QSOX1: variants seen among roughly 807,000 people sequenced by gnomAD.
The protein encoded by QSOX1 is sulfhydryl oxidase 1.
In QSOX1, 40 loss-of-function variants were observed where a neutral mutation model predicts 76.1. That is an observed-to-expected ratio of 0.53 (90% CI 0.41 to 0.68). The LOEUF (loss-of-function observed/expected upper bound fraction) is 0.68, where lower values mean the gene tolerates loss of function less well. Ranked by LOEUF, QSOX1 falls within the 30% of genes least tolerant of loss-of-function variation. QSOX1 has a pLI of 0.00. For missense variants in QSOX1, 931 were observed against 974.3 expected (o/e 0.96, Z 0.59); for synonymous variants, 392 against 413.1 (o/e 0.95, Z 0.62).
intron 1 of QSOX1, among the ~76,000 whole-genome samples, chr1:180,162,142 A>G (rs758135508): frequency 2.6e-5 from 4 of 152,262 alleles, no homozygotes; most frequent in Non-Finnish European, 5.9e-5. Context: ...ATTAAGGCTG[A>G]TAATGTATCA....
In QSOX1 at chr1:180,196,463, A is replaced by T; in HGVS notation, c.1670A>T (p.Asn557Ile). The T allele has an allele frequency of 6.2e-7, 1 of 1,614,002 alleles. No homozygotes were observed. Among genetic ancestry groups the T allele is most frequent in the Admixed American group, 1.7e-5 (1 of 60,026 alleles). Residue 557 changes from asparagine (N) to isoleucine (I), a missense_variant, in exon 12 of 12, where the codon AAT becomes ATT. Asn to Ile is a moderately radical substitution (Grantham distance 149). Transcript: ENST00000367602. This position sits in a 1 kb window ranked among gnomAD's most constrained non-coding sequence, Gnocchi z 4.1. ...TCAGCTGCCCGGAGGGATGTGCAGAATGTGGCAGCCGCCCCAGAGCTGGCG... is the reference window on the plus strand; with the variant it reads ...TCAGCTGCCCGGAGGGATGTGCAGATTGTGGCAGCCGCCCCAGAGCTGGCG... Reference protein sequence around the residue: ...AGSAARRDVQNVAAAPELAMG... With the variant: ...AGSAARRDVQIVAAAPELAMG...
At chr1:180,172,267 T>C (rs1435391521) in intron 2 of QSOX1, among the ~76,000 whole-genome samples, 1 of 152,206 alleles carries the variant, frequency 6.6e-6, no homozygotes, top group Non-Finnish European at 1.5e-5. Context: ...GAGAGATGGC[T>C]AGGAAGAAGT....
chr1:180,181,221 A>G (rs1382115293), intron 5 of QSOX1, among the ~76,000 whole-genome samples: 1 of 152,160 alleles, frequency 6.6e-6, no homozygotes, highest in Admixed American at 6.5e-5. Context: ...CGGAGTCTAG[A>G]TAGGAAGCTT....
intron 1 of QSOX1, among the ~76,000 whole-genome samples, chr1:180,156,565 G>A (rs1339391848): frequency 6.6e-6 from 1 of 152,208 alleles, no homozygotes. Flanking sequence ...CTGAAGAGGC[G>A]AGATGGAACC....
intron 6 of QSOX1, among the ~76,000 whole-genome samples, chr1:180,182,739 A>G (rs1014880820): frequency 3.9e-5 from 6 of 152,220 alleles, no homozygotes; most frequent in African/African-American, 1.4e-4. Context: ...GACAATAGCC[A>G]GTTCCAAAAT....
chr1:180,186,979 G>C (rs1280612668), intron 8 of QSOX1, among the ~76,000 whole-genome samples: 1 of 152,230 alleles, frequency 6.6e-6, no homozygotes, highest in Non-Finnish European at 1.5e-5. Context: ...GCTCAGTACT[G>C]CTGAGTCAGA....
Position 180,186,181 on chromosome 1 carries a change from A to G in QSOX1, c.1016A>G (p.Lys339Arg), listed in dbSNP as rs1663166422. The G allele has an allele frequency of 6.2e-7, 1 of 1,612,120 alleles. No individual in the cohort carries two copies. The highest frequency in any genetic ancestry group is 1.1e-5 in the South Asian group (1 of 90,832). ...AAAAAGTTTGTGGCAGTGCTGGCCA[A>G]GGTGAGCAGGGCCATGGCTTCCCTT... ...ALKKFVAVLA[K>R]YFPGRPLVQN... The change falls in exon 8 of 12, where the codon AAG (lysine) becomes AGG (arginine). Residue 339 changes from lysine (K) to arginine (R), a missense_variant and splice_region_variant. By Grantham distance (26) the Lys-to-Arg change is conservative. Transcript: ENST00000367602.
chr1:180,190,678 A>T, intron 10 of QSOX1, 98 bp downstream of exon 10: 1 of 1,399,322 alleles, frequency 7.1e-7, no homozygotes, highest in South Asian at 1.4e-5. Context: ...GAATTGCCCC[A>T]CTGGCTCCCA....
chr1:180,158,668 G>C (rs1662425406), intron 1 of QSOX1, among the ~76,000 whole-genome samples: 1 of 152,088 alleles, frequency 6.6e-6, no homozygotes. Context: ...TGTCAGGAGA[G>C]CTCCTGAATT....
In QSOX1 at chr1:180,194,235, A is replaced by G; in HGVS notation, c.1311A>G (p.Pro437=). The G allele has an allele frequency of 6.2e-7, 1 of 1,612,842 alleles. No individual in the cohort carries two copies. Among genetic ancestry groups the G allele is most frequent in the South Asian group, 1.1e-5 (1 of 90,966 alleles). ...QEAAKAKEVL[P]AIRGYVHYFF... ...TAGCCAAGGCCAAGGAGGTCCTCCC[A>G]GCCATCCGAGGCTACGTGCACTACT... The change falls in exon 11 of 12, where the codon CCA becomes CCG. Residue 437 remains proline (P), a synonymous_variant. Coordinates refer to ENST00000367602, the MANE Select transcript of QSOX1 (RefSeq NM_002826.5).
At chr1:180,176,921 T>C (rs1662910144) in intron 4 of QSOX1, among the ~76,000 whole-genome samples, 1 of 152,176 alleles carries the variant, frequency 6.6e-6, no homozygotes, top group African/African-American at 2.4e-5. Context: ...TGCTGAGAGA[T>C]TGTGTTTCCA....
chr1:180,194,835 G>T (rs573754459), intron 11 of QSOX1, among the ~76,000 whole-genome samples: 2 of 152,140 alleles, frequency 1.3e-5, no homozygotes, highest in Non-Finnish European at 2.9e-5. Context: ...TGCCCTCTGC[G>T]TTCCCTCATT....
intron 4 of QSOX1, 41 bp downstream of exon 4, chr1:180,176,074 G>C: frequency 6.7e-7 from 1 of 1,495,522 alleles, no homozygotes; most frequent in Non-Finnish European, 9.1e-7. Context: ...TGTGGGCCAG[G>C]ATCCCAGGCC....
At position 180,196,200 on chromosome 1, in the gene QSOX1, G is replaced by A. The variant is rs1663481228; in HGVS notation, c.1469-62G>A. ...AAGCTGGCGTTCTGAGTGGAGGAGT[G>A]TGGTCTGGGTTTTTGGGTGGGACTG... On this transcript the variant is annotated intron_variant, in intron 11 of 11. Coordinates refer to ENST00000367602, the MANE Select transcript of QSOX1 (RefSeq NM_002826.5). This position sits in a 1 kb window ranked among gnomAD's most constrained non-coding sequence, Gnocchi z 4.1. 1.9e-6 allele frequency: 3 copies of A among 1,542,124 alleles called. No homozygotes were observed. Among genetic ancestry groups the A allele is most frequent in the Non-Finnish European group, 2.6e-6 (3 of 1,139,328 alleles).
chr1:180,170,758 T>A (rs1339075714), intron 2 of QSOX1, among the ~76,000 whole-genome samples: 1 of 152,214 alleles, frequency 6.6e-6, no homozygotes, highest in Non-Finnish European at 1.5e-5. Context: ...AGGACAAAAA[T>A]GTGCCCTGAC....
chr1:180,175,579 A>G (rs891252057), intron 3 of QSOX1, among the ~76,000 whole-genome samples: 1 of 152,132 alleles, frequency 6.6e-6, no homozygotes, highest in Non-Finnish European at 1.5e-5. Context: ...GGTTGGACAT[A>G]TCCAGGGCCC....
Position 180,189,678 on chromosome 1 carries a change from A to G in QSOX1, c.1140+4A>G. On this transcript the variant is annotated splice_donor_region_variant and intron_variant, in intron 9 of 11. Coordinates refer to ENST00000367602, the MANE Select transcript of QSOX1 (RefSeq NM_002826.5). ...TGCCCTGGACGACAGGAAAGAGGTG[A>G]GTCTGGGAAGCAAATAAAGATCTCT... 2 of 1,611,642 alleles carry G rather than the reference A, an allele frequency of 1.2e-6. No homozygotes were observed. The highest frequency in any genetic ancestry group is 1.7e-6 in the Non-Finnish European group (2 of 1,178,458).
Position 180,197,305 on chromosome 1 carries a change from C to T in QSOX1, c.*268C>T. The T allele has an allele frequency of 6.2e-7, 1 of 1,613,958 alleles. No individual in the cohort carries two copies. Among genetic ancestry groups the T allele is most frequent in the Non-Finnish European group, 8.5e-7 (1 of 1,180,014 alleles). On this transcript the variant is annotated 3_prime_UTR_variant, in exon 12 of 12. Transcript: ENST00000367602. The stretch of plus-strand genomic sequence containing the variant: ...GGCATAGGGCAGCTCAGTCCCTGGC[C>T]TCTTAGCACCACATTCCTGTTTTTC...
intron 10 of QSOX1, among the ~76,000 whole-genome samples, chr1:180,191,153 C>G (rs1227852220): frequency 1.3e-5 from 2 of 152,192 alleles, no homozygotes; most frequent in Non-Finnish European, 2.9e-5. Context: ...GCATCCAATT[C>G]AGTCCACACT....
Sources: gnomAD v4.1 joint callset for allele counts (sites outside exome capture counted in the v4.1 genomes callset) on GRCh38, gnomAD v4.1.1 for gene constraint, Gnocchi (gnomAD v3.1) non-coding constraint, MANE v1.5 for transcripts, NCBI Gene and HGNC (gene_info 2026-07-23, HGNC 2026-07-21) for gene names.